Variants in ARHGEF10 observed in about 807,000 individuals in gnomAD.
The protein encoded by ARHGEF10 is Rho guanine nucleotide exchange factor 10.
In ARHGEF10, 140 loss-of-function variants were observed where a neutral mutation model predicts 147.4. The observed-to-expected ratio is 0.95, with a 90% CI of 0.83 to 1.09. The LOEUF (loss-of-function observed/expected upper bound fraction) is 1.09, where lower values mean the gene tolerates loss of function less well. Among genes scored for constraint, ARHGEF10 ranks in the 50% least tolerant of loss-of-function variants. The probability of loss-of-function intolerance (pLI) is 0.00; values close to 1 mark genes in which losing one functional copy is unlikely to be tolerated. For synonymous variants in ARHGEF10, 902 were observed against 695.8 expected (o/e 1.30, Z -4.67); for missense variants, 2,222 against 1,752.7 (o/e 1.27, Z -4.78).
At chr8:1,951,027 A>G (rs1815002408) in intron 27 of ARHGEF10, among the ~76,000 whole-genome samples, 1 of 152,118 alleles carries the variant, frequency 6.6e-6, no homozygotes, top group Non-Finnish European at 1.5e-5. Flanking sequence ...CTGCTCCCAC[A>G]GCGGGGCTGC....
intron 18 of ARHGEF10, among the ~76,000 whole-genome samples, chr8:1,914,124 A>C (rs1811578754): frequency 6.6e-6 from 1 of 152,248 alleles, no homozygotes; most frequent in Non-Finnish European, 1.5e-5. Flanking sequence ...CGTGACTTAC[A>C]GTCTTTAAAT....
In ARHGEF10 at chr8:1,905,698, G is replaced by A. The variant is rs1281281014; in HGVS notation, c.1949G>A (p.Cys650Tyr). The A allele has an allele frequency of 1.2e-6, 2 of 1,614,004 alleles. No homozygotes were observed. Among genetic ancestry groups the A allele is most frequent in the Non-Finnish European group, 1.7e-6 (2 of 1,180,042 alleles). ...TTCATGTTAAATGATGTGTTAATGT[G>A]TGCCACCGTCAGCTCACGGTAAGTG... ...RVFMLNDVLM[C>Y]ATVSSRPSHD... is the part of the protein sequence containing the mutation. The change falls in exon 17 of 29, where the codon TGT (cysteine) becomes TAT (tyrosine). Residue 650 changes from cysteine (C) to tyrosine (Y), a missense_variant. Physicochemically the swap from Cys to Tyr is radical, Grantham distance 194. Coordinates refer to ENST00000349830, the MANE Select transcript of ARHGEF10 (RefSeq NM_014629.4).
At chr8:1,824,364 A>C (rs1385183055) in intron 1 of ARHGEF10, among the ~76,000 whole-genome samples, 2 of 151,852 alleles carry the variant, frequency 1.3e-5, no homozygotes, top group East Asian at 3.9e-4. Flanking sequence ...GACTGGCAGC[A>C]GGGACCCCTG....
In ARHGEF10 at chr8:1,948,051, G is replaced by C. The variant is rs1349644356; in HGVS notation, c.3397+2396G>C. On this transcript the variant is annotated intron_variant, in intron 27 of 28. Coordinates refer to ENST00000349830, the MANE Select transcript of ARHGEF10 (RefSeq NM_014629.4). This position sits in a 1 kb window ranked among gnomAD's most constrained non-coding sequence, Gnocchi z 4.9. ...GTTTTGGATGATGAAGTTGTCTGTGGCTGGGCGCTGAGCCTTCCTTGGGAC... is the reference window on the plus strand; with the variant it reads ...GTTTTGGATGATGAAGTTGTCTGTGCCTGGGCGCTGAGCCTTCCTTGGGAC... Among the ~76,000 whole-genome samples, 2 of 151,996 alleles carry C rather than the reference G, an allele frequency of 1.3e-5. No individual in the cohort carries two copies. Among genetic ancestry groups the C allele is most frequent in the African/African-American group, 4.8e-5 (2 of 41,386 alleles).
At chr8:1,853,564 G>T (rs771168381) in intron 2 of ARHGEF10, among the ~76,000 whole-genome samples, 1 of 152,242 alleles carries the variant, frequency 6.6e-6, no homozygotes, top group African/African-American at 2.4e-5. Context: ...TTTGAGAAGC[G>T]GGAATTCCTT....
At chr8:1,860,789 C>T (rs949458880) in intron 4 of ARHGEF10, among the ~76,000 whole-genome samples, 3 of 152,008 alleles carry the variant, frequency 2.0e-5, no homozygotes, top group African/African-American at 4.8e-5. Flanking sequence ...TGACAGTTAC[C>T]GTTATGTATG....
At chr8:1,861,754 C>A (rs192963250) in intron 4 of ARHGEF10, among the ~76,000 whole-genome samples, 1 of 152,212 alleles carries the variant, frequency 6.6e-6, no homozygotes, top group African/African-American at 2.4e-5. Flanking sequence ...GAACTCACCA[C>A]GGTCTGCATG....
chr8:1,886,830 C>G (rs993802744), intron 11 of ARHGEF10, among the ~76,000 whole-genome samples: 1 of 152,186 alleles, frequency 6.6e-6, no homozygotes, highest in African/African-American at 2.4e-5. Context: ...AGGAAGGGGT[C>G]GTGTCTGATC....
At chr8:1,944,765 C>A (rs1814425198) in intron 26 of ARHGEF10, among the ~76,000 whole-genome samples, 1 of 152,214 alleles carries the variant, frequency 6.6e-6, no homozygotes, top group Non-Finnish European at 1.5e-5. Context: ...CCTCTGTCAC[C>A]CCCTCCAATC....
intron 28 of ARHGEF10, among the ~76,000 whole-genome samples, chr8:1,954,000 G>T (rs1355633634): frequency 6.6e-6 from 1 of 152,106 alleles, no homozygotes; most frequent in African/African-American, 2.4e-5. Context: ...TTCTAGTTTT[G>T]CCATTCATTT....
intron 11 of ARHGEF10, among the ~76,000 whole-genome samples, chr8:1,891,504 G>A (rs375954295): frequency 9.5e-4 from 144 of 152,242 alleles, no homozygotes; most frequent in African/African-American, 3.2e-3. Flanking sequence ...ATCCTGTCCC[G>A]TCCCCATTCC....
intron 26 of ARHGEF10, among the ~76,000 whole-genome samples, chr8:1,938,967 G>A (rs1484364275): frequency 7.3e-6 from 1 of 136,086 alleles, no homozygotes; most frequent in African/African-American, 2.9e-5. Context: ...CCCGAACACT[G>A]GAATCCCAGC....
intron 2 of ARHGEF10, among the ~76,000 whole-genome samples, chr8:1,850,608 C>T (rs1033098929): frequency 1.3e-5 from 2 of 149,762 alleles, no homozygotes; most frequent in African/African-American, 2.5e-5. Flanking sequence ...GGCTAGAGGG[C>T]GTGGGGCAGC....
At chr8:1,873,118 C>T (rs554506495) in intron 7 of ARHGEF10, among the ~76,000 whole-genome samples, 1 of 152,136 alleles carries the variant, frequency 6.6e-6, no homozygotes, top group Non-Finnish European at 1.5e-5. Context: ...ACAGCACAAG[C>T]AGGAGTTAAT....
In ARHGEF10 at chr8:1,864,930, G is replaced by A. The variant is rs76929768; in HGVS notation, c.545+494G>A. 9.4e-3 allele frequency among the ~76,000 whole-genome samples: 1,428 copies of A among 152,282 alleles called. 31 individuals are homozygous for A. Among genetic ancestry groups the A allele is most frequent in the African/African-American group, 0.033 (1,355 of 41,544 alleles). On this transcript the variant is annotated intron_variant, in intron 5 of 28. Transcript: ENST00000349830. ...TGTAAAATTAAAAATTAGTGGTAGC[G>A]TGTTATCACTGGTGATCTAAAATGT...
At chr8:1,906,445 T>C (rs771455433) in intron 17 of ARHGEF10, among the ~76,000 whole-genome samples, 1 of 152,128 alleles carries the variant, frequency 6.6e-6, no homozygotes, top group African/African-American at 2.4e-5. Flanking sequence ...CCCAACACGA[T>C]GTGTTAGGAG....
intron 27 of ARHGEF10, among the ~76,000 whole-genome samples, chr8:1,951,876 G>T (rs971055241): frequency 1.3e-5 from 2 of 152,068 alleles, no homozygotes; most frequent in African/African-American, 4.8e-5. Flanking sequence ...AGGTGATGTG[G>T]CTCCCACCCT....
At chr8:1,945,898 G>C in intron 27 of ARHGEF10, 1 of 701,734 alleles carries the variant, frequency 1.4e-6, no homozygotes, top group Non-Finnish European at 2.4e-6. Flanking sequence ...GGGAGGAGCC[G>C]CGTGCTGGGA....
chr8:1,854,739 A>G (rs1805419668), intron 2 of ARHGEF10, among the ~76,000 whole-genome samples: 2 of 152,198 alleles, frequency 1.3e-5, no homozygotes, highest in Non-Finnish European at 2.9e-5. Context: ...TTTTGGCAAA[A>G]AACAGTTTGA....
Sources: gnomAD v4.1 joint callset for allele counts (sites outside exome capture counted in the v4.1 genomes callset) on GRCh38, gnomAD v4.1.1 for gene constraint, Gnocchi (gnomAD v3.1) non-coding constraint, MANE v1.5 for transcripts, NCBI Gene and HGNC (gene_info 2026-07-23, HGNC 2026-07-21) for gene names.